The following ACOX3 variants were observed in gnomAD, a reference collection of about 807,000 sequenced individuals.
The protein encoded by ACOX3 is peroxisomal acyl-coenzyme A oxidase 3.
ACOX3 carries 73 observed loss-of-function variants against 81.5 expected under a neutral mutation model. The ratio of observed to expected loss-of-function variants is 0.90; its 90% CI spans 0.74 to 1.09. The LOEUF is 1.09. ACOX3 is among the 50% of genes least tolerant of loss of function. ACOX3 has a pLI of 0.00. For missense variants in ACOX3, 947 were observed against 928.0 expected (o/e 1.02, Z -0.27); for synonymous variants, 387 against 375.1 (o/e 1.03, Z -0.37).
rs561911177 is a variant in ACOX3 at position 8,386,792 on chromosome 4, C to T, written c.1537+2381G>A. ...AGGGGAAGGCGCTGGGAAGCCGGAC[C>T]GGCCCAGGCTCCACACCGGCTTCGG... On this transcript the variant is annotated intron_variant, in intron 13 of 17. Coordinates refer to ENST00000356406, the MANE Select transcript of ACOX3 (RefSeq NM_003501.3). The surrounding 1 kb of genome is among the most constrained non-coding windows in gnomAD (Gnocchi z 5.2). Among the ~76,000 whole-genome samples the T allele has an allele frequency of 5.3e-5, 8 of 152,326 alleles. No individual in the cohort carries two copies. Among genetic ancestry groups the T allele is most frequent in the South Asian group, 4.1e-4 (2 of 4,826 alleles).
downstream of ACOX3, among the ~76,000 whole-genome samples, chr4:8,362,279 T>C (rs996473076): frequency 6.6e-6 from 1 of 152,228 alleles, no homozygotes; most frequent in Non-Finnish European, 1.5e-5. Context: ...AATAAAAAAC[T>C]GAAGTAATGT....
chr4:8,371,089 T>C, intron 16 of ACOX3, 95 bp from the exon 17 acceptor site: 1 of 1,132,560 alleles, frequency 8.8e-7, no homozygotes. Context: ...CAGGACCCAC[T>C]AGCAACGGGT....
rs1468111908 is a variant in ACOX3 at position 8,368,029 on chromosome 4, C to T, written c.1984-949G>A. On this transcript the variant is annotated intron_variant, in intron 17 of 17. Coordinates refer to ENST00000356406, the MANE Select transcript of ACOX3 (RefSeq NM_003501.3). The surrounding 1 kb of genome is among the most constrained non-coding windows in gnomAD (Gnocchi z 5.9). ...AAAGAACTGATCGTGGCAGTGGACACGCTGTTTCTTAGTAACTGCAGCCAC... is the reference window on the plus strand; with the variant it reads ...AAAGAACTGATCGTGGCAGTGGACATGCTGTTTCTTAGTAACTGCAGCCAC... 7.2e-5 allele frequency among the ~76,000 whole-genome samples: 11 copies of T among 151,856 alleles called. No individual in the cohort carries two copies. The highest frequency in any genetic ancestry group is 3.9e-4 in the East Asian group (2 of 5,168).
chr4:8,420,101 G>A (rs891989199), intron 1 of ACOX3, among the ~76,000 whole-genome samples: 4 of 152,142 alleles, frequency 2.6e-5, no homozygotes, highest in Non-Finnish European at 5.9e-5. Flanking sequence ...CCTTTTCCAG[G>A]TGAGGAAACT....
At chr4:8,367,888 A>G (rs1715668965) in intron 17 of ACOX3, among the ~76,000 whole-genome samples, 1 of 137,550 alleles carries the variant, frequency 7.3e-6, no homozygotes, top group Admixed American at 7.7e-5. Context: ...GCTACTTGGG[A>G]GGCTGAGGTG....
At chr4:8,391,123 C>A (rs1025771256) in intron 11 of ACOX3, among the ~76,000 whole-genome samples, 32 of 152,096 alleles carry the variant, frequency 2.1e-4, no homozygotes, top group Middle Eastern at 6.8e-3. Context: ...CTGCAAGATT[C>A]AATTTCCTTA....
rs994341819 is a variant in ACOX3, at chr4:8,437,829, C to G, written c.-15+2819G>C. Among the ~76,000 whole-genome samples, 3 of 152,208 alleles carry G rather than the reference C, an allele frequency of 2.0e-5. No homozygotes were observed. Among genetic ancestry groups the G allele is most frequent in the Admixed American group, 2.0e-4 (3 of 15,278 alleles). On this transcript the variant is annotated intron_variant, in intron 1 of 17. Coordinates refer to ENST00000356406, the MANE Select transcript of ACOX3 (RefSeq NM_003501.3). This position sits in a 1 kb window ranked among gnomAD's most constrained non-coding sequence, Gnocchi z 5.2. ...CACCTTGGAGGAACCAAATACTGAT[C>G]TGATCAGGCTGGCAGGAGCTAAAGA...
chr4:8,403,789 G>C (rs911271548), intron 7 of ACOX3, among the ~76,000 whole-genome samples: 1 of 152,144 alleles, frequency 6.6e-6, no homozygotes, highest in Non-Finnish European at 1.5e-5. Context: ...CCAAGTGCAG[G>C]GTTTCTCTGC....
rs781310389 is a variant in ACOX3, at chr4:8,375,135, C to T, written c.1671G>A (p.Pro557=). The T allele has an allele frequency of 3.0e-5, 47 of 1,547,848 alleles. No individual in the cohort carries two copies. The highest frequency in any genetic ancestry group is 7.2e-5 in the East Asian group (3 of 41,656). The part of the protein sequence containing the change: ...RNKCQVSHGR[P]LALAFVELTV... ...TGAGCTCCACGAAGGCCAGCGCCAACGGACGGCCGTGGGACACCTGGAACA... is the reference window on the plus strand; with the variant it reads ...TGAGCTCCACGAAGGCCAGCGCCAATGGACGGCCGTGGGACACCTGGAACA... Residue 557 remains proline, a synonymous_variant, in exon 15 of 18, where the codon CCG becomes CCA. Transcript: ENST00000356406.
chr4:8,420,871 C>T (rs1192145736), intron 1 of ACOX3, among the ~76,000 whole-genome samples: 1 of 152,220 alleles, frequency 6.6e-6, no homozygotes, highest in Non-Finnish European at 1.5e-5. Context: ...GGGCTAGAGG[C>T]TCACCATTGT....
At chr4:8,401,442 T>G (rs1720367521) in intron 7 of ACOX3, among the ~76,000 whole-genome samples, 1 of 152,180 alleles carries the variant, frequency 6.6e-6, no homozygotes, top group Admixed American at 6.5e-5. Context: ...GGTCCTGGGC[T>G]GCCAGCTCTG....
At chr4:8,371,503 T>C (rs926949242) in intron 16 of ACOX3, among the ~76,000 whole-genome samples, 7 of 152,276 alleles carry the variant, frequency 4.6e-5, no homozygotes, top group Non-Finnish European at 1.0e-4. Context: ...GAAATTTATA[T>C]GAGTGGACTC....
At position 8,389,082 on chromosome 4, in the gene ACOX3, C is replaced by T; in HGVS notation, c.1537+91G>A. The stretch of plus-strand genomic sequence containing the variant: ...ACCACTGCTGCCCCGGCTGGAACTG[C>T]CAAGGGTCCCCTCACCGAGGCACGG... On this transcript the variant is annotated intron_variant, in intron 13 of 17. Transcript: ENST00000356406. The surrounding 1 kb of genome is among the most constrained non-coding windows in gnomAD (Gnocchi z 5.3). 2.8e-6 allele frequency: 3 copies of T among 1,079,044 alleles called. No individual in the cohort carries two copies. The African/African-American group carries it at 4.7e-5, about 17-fold the overall frequency. 66.8% of individuals were successfully genotyped at this position (1,079,044 alleles called of 1,614,324 possible).
chr4:8,371,159 C>T lies in ACOX3; in HGVS notation c.1897-165G>A, dbSNP rs76181698. 8.3e-3 allele frequency among the ~76,000 whole-genome samples: 1,270 copies of T among 152,282 alleles called. 22 individuals are homozygous for T. Among genetic ancestry groups the T allele is most frequent in the African/African-American group, 0.029 (1,205 of 41,546 alleles). ...CGTGATCTCTTCACCGGCCTGGATT[C>T]GAGGCCCTTGCTGTGCACTGGAATG... On this transcript the variant is annotated intron_variant, in intron 16 of 17. Coordinates refer to ENST00000356406, the MANE Select transcript of ACOX3 (RefSeq NM_003501.3).
chr4:8,380,739 G>A (rs988737944), intron 14 of ACOX3, among the ~76,000 whole-genome samples: 1 of 152,212 alleles, frequency 6.6e-6, no homozygotes. Flanking sequence ...GGTGACAGCA[G>A]CTCTCTCCGT....
At chr4:8,411,826 C>G (rs1721759740) in intron 5 of ACOX3, among the ~76,000 whole-genome samples, 1 of 152,236 alleles carries the variant, frequency 6.6e-6, no homozygotes, top group Non-Finnish European at 1.5e-5. Context: ...GCTGTGCTCG[C>G]CACTTCCAGC....
chr4:8,389,427 A>G lies in ACOX3; in HGVS notation c.1424-141T>C. ...CCCACAGGCGAGGGTCTGGGTCTCA[A>G]GGACCCTCCCCACCCCAGCCTTTGC... On this transcript the variant is annotated intron_variant, in intron 12 of 17. Coordinates refer to ENST00000356406, the MANE Select transcript of ACOX3 (RefSeq NM_003501.3). This position sits in a 1 kb window ranked among gnomAD's most constrained non-coding sequence, Gnocchi z 5.3. The G allele has an allele frequency of 7.9e-7, 1 of 1,264,930 alleles. No individual in the cohort carries two copies. The highest frequency in any genetic ancestry group is 1.1e-6 in the Non-Finnish European group (1 of 914,408). The allele number at this position is 1,264,930 out of a possible 1,614,324, so 78.4% of individuals were successfully genotyped here.
intron 1 of ACOX3, among the ~76,000 whole-genome samples, chr4:8,421,399 G>A (rs952444215): frequency 6.6e-6 from 1 of 152,226 alleles, no homozygotes; most frequent in African/African-American, 2.4e-5. Flanking sequence ...GGAAGCAGAG[G>A]GCTGACTAGA....
rs1046669348 is a variant in ACOX3, at chr4:8,370,176, C to T, written c.1983+732G>A. ...CACTCCAGGCAGCCCGAGCAGCAGG[C>T]ACAAGGCCCTGGGGTGGGCATGGGC... is the stretch of plus-strand genomic sequence containing the variant. On this transcript the variant is annotated intron_variant, in intron 17 of 17. Coordinates refer to ENST00000356406, the MANE Select transcript of ACOX3 (RefSeq NM_003501.3). The surrounding 1 kb of genome is among the most constrained non-coding windows in gnomAD (Gnocchi z 6.3). Among the ~76,000 whole-genome samples, 2 of 152,236 alleles carry T rather than the reference C, an allele frequency of 1.3e-5. No individual in the cohort carries two copies. Among genetic ancestry groups the T allele is most frequent in the Non-Finnish European group, 2.9e-5 (2 of 68,050 alleles).
Sources: allele counts gnomAD v4.1 joint callset (sites outside exome capture counted in the v4.1 genomes callset), GRCh38; gene constraint gnomAD v4.1.1; non-coding constraint Gnocchi (gnomAD v3.1); transcripts MANE v1.5; gene names NCBI Gene and HGNC (gene_info 2026-07-23, HGNC 2026-07-21).